Variants in PTPA observed in about 807,000 individuals in gnomAD.
PTPA encodes the protein protein phosphatase 2 phosphatase activator.
In PTPA, 13 loss-of-function variants were observed where a neutral mutation model predicts 43.6. The observed-to-expected ratio is 0.30, with a 90% CI of 0.19 to 0.47. The LOEUF is 0.47. Ranked by LOEUF, PTPA falls within the 20% of genes least tolerant of loss-of-function variation. PTPA has a pLI of 0.99. For missense variants in PTPA, 329 were observed against 411.9 expected (o/e 0.80, Z 1.74); for synonymous variants, 172 against 158.2 (o/e 1.09, Z -0.66).
intron 9 of PTPA, among the ~76,000 whole-genome samples, chr9:129,145,586 A>G (rs984689669): frequency 6.6e-6 from 1 of 152,018 alleles, no homozygotes; most frequent in South Asian, 2.1e-4. Flanking sequence ...GATTGAGGGG[A>G]GTCAGCCTCC....
intron 9 of PTPA, chr9:129,143,028 G>T: frequency 1.0e-6 from 1 of 955,290 alleles, no homozygotes; most frequent in Non-Finnish European, 1.5e-6. Context: ...CCGAGAATTG[G>T]CATTTTTATG....
intron 9 of PTPA, chr9:129,143,337 A>C: frequency 1.4e-6 from 1 of 703,054 alleles, no homozygotes; most frequent in South Asian, 1.5e-5. Flanking sequence ...CCACACCTGG[A>C]GTGATGGGTC....
chr9:129,139,530 TGCA>T (rs1481417986), intron 8 of PTPA: 1 of 152,218 alleles, frequency 6.6e-6, no homozygotes, highest in African/African-American at 2.4e-5. Context: ...CCGGGGTGGC[TGCA>T]GCAAGGGCCC....
chr9:129,121,739 C>T (rs960504811), intron 2 of PTPA, among the ~76,000 whole-genome samples: 1 of 152,220 alleles, frequency 6.6e-6, no homozygotes, highest in Non-Finnish European at 1.5e-5. Context: ...CTTCTCTGAG[C>T]CAGATTGCTC....
At chr9:129,139,224 AGTTG>A (rs932174785) in intron 8 of PTPA, among the ~76,000 whole-genome samples, 3 of 152,052 alleles carry the variant, frequency 2.0e-5, no homozygotes, top group South Asian at 4.1e-4. Flanking sequence ...TTTTGTCTTT[AGTTG>A]GTTGGTTGAT....
intron 8 of PTPA, among the ~76,000 whole-genome samples, chr9:129,140,460 G>A (rs1252561897): frequency 6.6e-6 from 1 of 152,214 alleles, no homozygotes; most frequent in East Asian, 1.9e-4. Context: ...CTGTGTGTAG[G>A]GGCCCAGGGC....
chr9:129,120,675 G>A (rs1221252663), intron 2 of PTPA, 65 bp downstream of exon 2: 12 of 1,436,396 alleles, frequency 8.4e-6, no homozygotes, highest in African/African-American at 5.7e-5. Context: ...CTAGCATGAC[G>A]GGCGGTGAGT....
At chr9:129,138,274 G>T (rs1254666861) in intron 8 of PTPA, among the ~76,000 whole-genome samples, 1 of 152,200 alleles carries the variant, frequency 6.6e-6, no homozygotes, top group Admixed American at 6.5e-5. Context: ...GGAAGTTATT[G>T]TCTCACCAAG....
intron 5 of PTPA, among the ~76,000 whole-genome samples, chr9:129,134,504 A>G (rs971827187): frequency 1.3e-5 from 2 of 151,874 alleles, no homozygotes; most frequent in South Asian, 2.1e-4. Flanking sequence ...GGGTTTTGCC[A>G]TGTTGGCCAG....
intron 1 of PTPA, among the ~76,000 whole-genome samples, chr9:129,117,459 A>G (rs942699639): frequency 1.6e-4 from 25 of 152,004 alleles, no homozygotes; most frequent in African/African-American, 6.0e-4. Context: ...GCTGGAGTGC[A>G]GTGGCGTGAT....
intron 9 of PTPA, among the ~76,000 whole-genome samples, chr9:129,146,154 T>C (rs921396100): frequency 3.3e-5 from 5 of 152,208 alleles, no homozygotes; most frequent in African/African-American, 9.6e-5. Context: ...ATAAGCACCA[T>C]GGCAGCTGCC....
At chr9:129,122,351 C>T (rs1013834011) in intron 2 of PTPA, among the ~76,000 whole-genome samples, 4 of 152,196 alleles carry the variant, frequency 2.6e-5, no homozygotes, top group African/African-American at 9.7e-5. Flanking sequence ...GATCCTCCTG[C>T]ATCAGCCTCC....
intron 8 of PTPA, among the ~76,000 whole-genome samples, chr9:129,139,844 T>C (rs1850639242): frequency 6.6e-6 from 1 of 151,880 alleles, no homozygotes; most frequent in African/African-American, 2.4e-5. Flanking sequence ...ATGCCAAGAC[T>C]GCCCTGATAC....
At chr9:129,133,234 G>A (rs1446759520) in intron 5 of PTPA, among the ~76,000 whole-genome samples, 1 of 152,254 alleles carries the variant, frequency 6.6e-6, no homozygotes, top group Non-Finnish European at 1.5e-5. Flanking sequence ...TCTGGGGAAT[G>A]TGATCCACAG....
At chr9:129,136,694 G>C in intron 7 of PTPA, 99 bp downstream of exon 7, 1 of 1,367,886 alleles carries the variant, frequency 7.3e-7, no homozygotes, top group Non-Finnish European at 9.7e-7. Flanking sequence ...CCTTCTTCCT[G>C]CCCAGGGCAG....
At chr9:129,126,789 A>G (rs772521959) in intron 3 of PTPA, among the ~76,000 whole-genome samples, 1 of 152,102 alleles carries the variant, frequency 6.6e-6, no homozygotes, top group East Asian at 1.9e-4. Context: ...CACAGCAAAC[A>G]ATAGAGGCAG....
chr9:129,132,576 C>T (rs572817314), intron 5 of PTPA, among the ~76,000 whole-genome samples: 2 of 152,196 alleles, frequency 1.3e-5, no homozygotes, highest in Non-Finnish European at 2.9e-5. Flanking sequence ...TCTTGGCTCA[C>T]TGCAACCTCC....
At chr9:129,133,295 C>A (rs1432414830) in intron 5 of PTPA, among the ~76,000 whole-genome samples, 3 of 152,100 alleles carry the variant, frequency 2.0e-5, no homozygotes, top group Non-Finnish European at 2.9e-5. Context: ...CCTCTTGGAC[C>A]GGGTGGGGCT....
chr9:129,133,880 C>A (rs1036551219), intron 5 of PTPA, among the ~76,000 whole-genome samples: 3 of 152,266 alleles, frequency 2.0e-5, no homozygotes, highest in African/African-American at 4.8e-5. Context: ...AAGGCCTGTG[C>A]ACATGCTATT....
Sources: allele counts gnomAD v4.1 joint callset (sites outside exome capture counted in the v4.1 genomes callset), GRCh38; gene constraint gnomAD v4.1.1; transcripts MANE v1.5; gene names NCBI Gene and HGNC (gene_info 2026-07-23, HGNC 2026-07-21).